Variants in PBX1 observed in about 807,000 individuals in gnomAD.
PBX1 encodes pre-B-cell leukemia transcription factor 1.
A neutral mutation model predicts 53.4 loss-of-function variants in PBX1; 6 were observed. The ratio of observed to expected loss-of-function variants is 0.11; its 90% confidence interval spans 0.06 to 0.22. The LOEUF is 0.22. Ranked by LOEUF, PBX1 falls within the 10% of genes least tolerant of loss-of-function variation. PBX1 has a pLI of 1.00. For missense variants in PBX1, 251 were observed against 551.4 expected, an observed-to-expected ratio of 0.46 and a Z score of 5.46; for synonymous variants, 204 against 212.3, an observed-to-expected ratio of 0.96 and a Z score of 0.34.
At chr1:164,662,370 C>T (rs1470390269) in intron 2 of PBX1, among the ~76,000 whole-genome samples, 1 of 152,104 alleles carries the variant, frequency 6.6e-6, no homozygotes, top group Non-Finnish European at 1.5e-5. Flanking sequence ...TGGAAATTTC[C>T]ATCTGACCAG....
chr1:164,596,878 A>G (rs1323861908), intron 2 of PBX1, among the ~76,000 whole-genome samples: 2 of 152,184 alleles, frequency 1.3e-5, no homozygotes, highest in African/African-American at 2.4e-5. Context: ...AATTAAAAAA[A>G]AAAAAAGAAA....
At chr1:164,834,625 G>A (rs1336415515) in intron 8 of PBX1, among the ~76,000 whole-genome samples, 5 of 152,088 alleles carry the variant, frequency 3.3e-5, no homozygotes, top group Non-Finnish European at 5.9e-5. Flanking sequence ...GATTACAGGC[G>A]TGAGCCACTA....
At chr1:164,741,981 G>T (rs1388808461) in intron 2 of PBX1, among the ~76,000 whole-genome samples, 1 of 151,474 alleles carries the variant, frequency 6.6e-6, no homozygotes, top group Non-Finnish European at 1.5e-5. Context: ...TAAATTTATG[G>T]GCAAAAAGAA....
intron 2 of PBX1, among the ~76,000 whole-genome samples, chr1:164,714,393 G>T (rs1663972594): frequency 6.6e-6 from 1 of 152,342 alleles, no homozygotes; most frequent in East Asian, 1.9e-4. Context: ...CGTTGGAACA[G>T]TTATTCTTAC....
intron 2 of PBX1, among the ~76,000 whole-genome samples, chr1:164,698,052 G>A (rs1375656461): frequency 2.6e-5 from 4 of 152,026 alleles, no homozygotes; most frequent in Admixed American, 6.5e-5. Flanking sequence ...TTCTAGTGTC[G>A]GGCTCTTCTC....
chr1:164,850,495 A>G lies in PBX1; in HGVS notation c.*3819A>G, dbSNP rs1671781105. The G allele has an allele frequency of 5.1e-6, 1 of 194,816 alleles. No homozygotes were observed. The allele number at this position is 194,816 out of a possible 1,614,324, so 12.1% of individuals were successfully genotyped here. Reference sequence around the variant, plus strand: ...AAAAAAAAATGTTTTGTTTTGTGTTATTTTTGGTTTGTTTATTGGGGGGCT... The same window carrying G: ...AAAAAAAAATGTTTTGTTTTGTGTTGTTTTTGGTTTGTTTATTGGGGGGCT... On this transcript the variant is annotated 3_prime_UTR_variant, in exon 9 of 9. Transcript: ENST00000420696.
At chr1:164,592,862 C>CA (rs1376434864) in intron 2 of PBX1, among the ~76,000 whole-genome samples, 2 of 152,318 alleles carry the variant, frequency 1.3e-5, no homozygotes, top group East Asian at 1.9e-4. Context: ...CGTGAGCACT[C>CA]ACCTGTGACA....
intron 2 of PBX1, among the ~76,000 whole-genome samples, chr1:164,624,139 TG>T (rs1475042885): frequency 4.6e-5 from 7 of 152,382 alleles, no homozygotes; most frequent in African/African-American, 1.7e-4. Context: ...TATTTACTGA[TG>T]TTTTTTAAGC....
At chr1:164,629,406 T>C (rs1292083425) in intron 2 of PBX1, among the ~76,000 whole-genome samples, 1 of 152,206 alleles carries the variant, frequency 6.6e-6, no homozygotes, top group Non-Finnish European at 1.5e-5. Context: ...ACCATGTGCA[T>C]TTTTCAGTCC....
rs1273110322 is a variant in PBX1 at position 164,851,007 on chromosome 1, G to A, written c.*4331G>A. On this transcript the variant is annotated 3_prime_UTR_variant, in exon 9 of 9. Coordinates refer to ENST00000420696, the MANE Select transcript of PBX1 (RefSeq NM_002585.4). Reference sequence around the variant, plus strand: ...TGGTTAAGTAAACTACATGCAGGAAGAAGTCCTTGGGGCCAGTCTGCCAGC... The same window carrying A: ...TGGTTAAGTAAACTACATGCAGGAAAAAGTCCTTGGGGCCAGTCTGCCAGC... 1.3e-5 allele frequency: 3 copies of A among 222,248 alleles called. No individual in the cohort carries two copies. Among genetic ancestry groups the A allele is most frequent in the Admixed American group, 5.7e-5 (1 of 17,412 alleles). The allele number at this position is 222,248 out of a possible 1,614,324, so 13.8% of individuals were successfully genotyped here. A position where few individuals can be genotyped will look rare whatever the true frequency, so the allele number is the denominator to read the frequency against.
At chr1:164,679,927 G>T (rs1557937294) in intron 2 of PBX1, among the ~76,000 whole-genome samples, 3 of 150,418 alleles carry the variant, frequency 2.0e-5, no homozygotes, top group African/African-American at 4.9e-5. Context: ...ACTCCTGCTG[G>T]TTTTTTTTTA....
intron 2 of PBX1, among the ~76,000 whole-genome samples, chr1:164,762,709 AGTAGTTAAAAGAACATCTTT>A (rs1336329414): frequency 6.6e-6 from 1 of 152,226 alleles, no homozygotes; most frequent in East Asian, 1.9e-4. Context: ...ATATTTTTCA[AGTAGTTAAAAGAACATCTTT>A]GTAGCAAATT....
At chr1:164,856,842 G>A (rs1435296158) in intron 2 of PBX1, among the ~76,000 whole-genome samples, 2 of 152,036 alleles carry the variant, frequency 1.3e-5, no homozygotes, top group Non-Finnish European at 2.9e-5. Flanking sequence ...TCCAATTGCT[G>A]CCATAACTGG....
At chr1:164,837,282 C>T (rs377302590) in intron 8 of PBX1, among the ~76,000 whole-genome samples, 12 of 152,162 alleles carry the variant, frequency 7.9e-5, no homozygotes, top group African/African-American at 2.4e-4. Flanking sequence ...AATGAAATGA[C>T]GAATTCAGGG....
chr1:164,808,961 A>T (rs1200406786), intron 5 of PBX1, among the ~76,000 whole-genome samples: 1 of 152,160 alleles, frequency 6.6e-6, no homozygotes, highest in Non-Finnish European at 1.5e-5. Flanking sequence ...AAACTCAAGT[A>T]GCCTAGTTTT....
chr1:164,643,270 A>C (rs149247485), intron 2 of PBX1, among the ~76,000 whole-genome samples: 135 of 152,276 alleles, frequency 8.9e-4, no homozygotes, highest in African/African-American at 3.0e-3. Context: ...GGGTGATGCC[A>C]TTTACTCTCC....
chr1:164,882,288 A>T (rs1672678084), intron 2 of PBX1, among the ~76,000 whole-genome samples: 2 of 152,220 alleles, frequency 1.3e-5, no homozygotes, highest in South Asian at 4.1e-4. Flanking sequence ...AAGGCAACTC[A>T]GGGAAATGTG....
chr1:164,791,082 C>G (rs1374083251), intron 2 of PBX1, among the ~76,000 whole-genome samples: 2 of 152,208 alleles, frequency 1.3e-5, no homozygotes, highest in Non-Finnish European at 2.9e-5. Flanking sequence ...AATCACTTCC[C>G]TCTTTCCCAC....
intron 2 of PBX1, among the ~76,000 whole-genome samples, chr1:164,605,813 AC>A (rs1228867933): frequency 4.6e-5 from 7 of 152,348 alleles, no homozygotes; most frequent in Non-Finnish European, 7.3e-5. Context: ...CTATTTGCAT[AC>A]CAATTCCAAT....
Sources: gnomAD v4.1 joint callset for allele counts (sites outside exome capture counted in the v4.1 genomes callset) on GRCh38, gnomAD v4.1.1 for gene constraint, MANE v1.5 for transcripts, NCBI Gene and HGNC (gene_info 2026-07-23, HGNC 2026-07-21) for gene names.